LRRTM4: variants seen among roughly 807,000 people sequenced by gnomAD.
LRRTM4 encodes the protein leucine rich repeat transmembrane neuronal 4, also known as leucine-rich repeat transmembrane neuronal protein 4.
A neutral mutation model predicts 47.6 loss-of-function variants in LRRTM4; 25 were observed. That is an observed-to-expected ratio of 0.53 (90% CI 0.38 to 0.73). LRRTM4 has a LOEUF of 0.73. LRRTM4 is among the 30% of genes least tolerant of loss of function. LRRTM4 has a pLI of 0.00. For synonymous variants in LRRTM4, 311 were observed against 269.5 expected, an observed-to-expected ratio of 1.15 and a Z score of -1.51; for missense variants, 638 against 713.4, an observed-to-expected ratio of 0.89 and a Z score of 1.20.
intron 3 of LRRTM4, among the ~76,000 whole-genome samples, chr2:76,908,608 C>G (rs1673936691): frequency 6.6e-6 from 1 of 152,068 alleles, no homozygotes; most frequent in South Asian, 2.1e-4. Flanking sequence ...TGTCTCAGCC[C>G]AAAATCTCCT....
At chr2:76,909,667 A>G (rs1673978486) in intron 3 of LRRTM4, among the ~76,000 whole-genome samples, 1 of 152,068 alleles carries the variant, frequency 6.6e-6, no homozygotes, top group Non-Finnish European at 1.5e-5. Flanking sequence ...AAACAACCCC[A>G]TCAAAAAGTG....
chr2:77,411,045 A>G (rs995890367), intron 3 of LRRTM4, among the ~76,000 whole-genome samples: 1 of 152,216 alleles, frequency 6.6e-6, no homozygotes, highest in Admixed American at 6.5e-5. Flanking sequence ...CCTGAGCATT[A>G]GAAACACAGG....
intron 3 of LRRTM4, among the ~76,000 whole-genome samples, chr2:77,472,490 C>T (rs921646489): frequency 6.6e-6 from 1 of 151,862 alleles, no homozygotes; most frequent in Non-Finnish European, 1.5e-5. Flanking sequence ...AACATAACTA[C>T]CATGAATCAG....
At chr2:77,261,093 T>C (rs182867138) in intron 3 of LRRTM4, among the ~76,000 whole-genome samples, 1 of 151,976 alleles carries the variant, frequency 6.6e-6, no homozygotes, top group Non-Finnish European at 1.5e-5. Context: ...ATAGTTCCTC[T>C]AGAGAAAGGA....
rs201015132 is a variant in LRRTM4 at position 76,869,555 on chromosome 2, A to AT, written c.1552-120640dup. 3.7e-4 allele frequency among the ~76,000 whole-genome samples: 57 copies of AT among 152,182 alleles called. 1 individual carries two copies. The East Asian group carries it at 9.1e-3, about 24-fold the overall frequency. On this transcript the variant is annotated intron_variant, in intron 3 of 3. Coordinates refer to ENST00000409884, the MANE Select transcript of LRRTM4 (RefSeq NM_001134745.3). ...GAAGGTGGGAAAGGGTAGATGATTG[A>AT]TTTTTTTAAAAAAAGTCAAACCTTT... is the stretch of plus-strand genomic sequence containing the variant.
rs1028001426 is a variant in LRRTM4 at position 76,899,709 on chromosome 2, G to A, written c.1552-150793C>T. Among the ~76,000 whole-genome samples the A allele has an allele frequency of 6.6e-5, 10 of 152,172 alleles. 1 individual carries two copies. In the Middle Eastern group the frequency reaches 0.01, roughly 155 times the overall value. ...TAGGAATATTGATAGACTTTATTAC[G>A]TATGCATTTACAACTTCTGAACATT... On this transcript the variant is annotated intron_variant, in intron 3 of 3. Coordinates refer to ENST00000409884, the MANE Select transcript of LRRTM4 (RefSeq NM_001134745.3).
At chr2:76,962,485 A>C (rs998675705) in intron 3 of LRRTM4, among the ~76,000 whole-genome samples, 6 of 150,982 alleles carry the variant, frequency 4.0e-5, no homozygotes, top group African/African-American at 1.5e-4. Context: ...ATTATTTACT[A>C]TTATGCTAAT....
At chr2:77,373,836 T>C (rs1287396216) in intron 3 of LRRTM4, among the ~76,000 whole-genome samples, 1 of 151,764 alleles carries the variant, frequency 6.6e-6, no homozygotes, top group Non-Finnish European at 1.5e-5. Context: ...GCTAGAAAAG[T>C]CTAGGCAAGA....
rs1387147807 is a variant in LRRTM4, at chr2:77,307,666, T to A, written c.1551+210652A>T. On this transcript the variant is annotated intron_variant, in intron 3 of 3. Transcript: ENST00000409884. ...GATATATCTATATATTATAGAAATATAAATATATAGATATATCTATATATT... is the reference window on the plus strand; with the variant it reads ...GATATATCTATATATTATAGAAATAAAAATATATAGATATATCTATATATT... Among the ~76,000 whole-genome samples the A allele has an allele frequency of 1.1e-3, 55 of 52,160 alleles. No individual in the cohort carries two copies. In the African/African-American group the frequency reaches 0.012, roughly 12 times the overall value. 34.2% of individuals were successfully genotyped at this position (52,160 alleles called of 152,430 possible).
chr2:76,982,810 T>C (rs931788299), intron 3 of LRRTM4, among the ~76,000 whole-genome samples: 2 of 151,958 alleles, frequency 1.3e-5, no homozygotes, highest in Non-Finnish European at 2.9e-5. Flanking sequence ...CAATTAAAAA[T>C]AGGACACACT....
At chr2:77,361,100 G>T (rs1672191240) in intron 3 of LRRTM4, among the ~76,000 whole-genome samples, 1 of 151,864 alleles carries the variant, frequency 6.6e-6, no homozygotes, top group South Asian at 2.1e-4. Context: ...AGCTATGCCA[G>T]ATCCTCCTCA....
chr2:77,193,728 G>T (rs1298727641), intron 3 of LRRTM4, among the ~76,000 whole-genome samples: 1 of 152,144 alleles, frequency 6.6e-6, no homozygotes, highest in Non-Finnish European at 1.5e-5. Flanking sequence ...TTGAAGCCAG[G>T]AGGCGGGCAT....
intron 3 of LRRTM4, among the ~76,000 whole-genome samples, chr2:76,970,016 CCACT>C (rs1408300256): frequency 2.0e-5 from 3 of 151,874 alleles, no homozygotes; most frequent in African/African-American, 7.3e-5. Flanking sequence ...TCACATGGCC[CCACT>C]CACTTATTTT....
chr2:76,921,871 G>A lies in LRRTM4; in HGVS notation c.1552-172955C>T, dbSNP rs74926224. On this transcript the variant is annotated intron_variant, in intron 3 of 3. Transcript: ENST00000409884. ...GCCCTGAGTCCTTTTATTTAGAATGGCATAAGAAATTAAGATCTGGGGTTC... is the reference window on the plus strand; with the variant it reads ...GCCCTGAGTCCTTTTATTTAGAATGACATAAGAAATTAAGATCTGGGGTTC... Among the ~76,000 whole-genome samples, 770 of 152,072 alleles carry A rather than the reference G, an allele frequency of 5.1e-3. 13 individuals are homozygous for A. The highest frequency in any genetic ancestry group is 0.017 in the African/African-American group (724 of 41,496).
chr2:76,804,637 A>G (rs1316218975), intron 3 of LRRTM4, among the ~76,000 whole-genome samples: 1 of 147,390 alleles, frequency 6.8e-6, no homozygotes, highest in Non-Finnish European at 1.5e-5. Context: ...TTGTACATAT[A>G]TATACTATAT....
intron 3 of LRRTM4, among the ~76,000 whole-genome samples, chr2:77,286,047 A>G (rs999345481): frequency 2.6e-5 from 4 of 152,130 alleles, no homozygotes; most frequent in African/African-American, 4.8e-5. Flanking sequence ...ACTGCACTGA[A>G]TATGGCCACT....
intron 3 of LRRTM4, among the ~76,000 whole-genome samples, chr2:76,798,036 A>T (rs1573123965): frequency 6.8e-6 from 1 of 147,792 alleles, no homozygotes; most frequent in East Asian, 2.0e-4. Context: ...CATTAGACAG[A>T]TCAATGAGAC....
chr2:76,838,111 GAA>G (rs1671570313), intron 3 of LRRTM4, among the ~76,000 whole-genome samples: 1 of 66,228 alleles, frequency 1.5e-5, no homozygotes, highest in African/African-American at 5.0e-5. Flanking sequence ...TAAAAGAATG[GAA>G]GAAGAAGAAA....
intron 3 of LRRTM4, among the ~76,000 whole-genome samples, chr2:76,768,685 C>A (rs1673556133): frequency 6.6e-6 from 1 of 151,950 alleles, no homozygotes; most frequent in South Asian, 2.1e-4. Flanking sequence ...ACAAATATAT[C>A]CTCAAAAATT....
Sources: gnomAD v4.1 joint callset for allele counts (sites outside exome capture counted in the v4.1 genomes callset) on GRCh38, gnomAD v4.1.1 for gene constraint, MANE v1.5 for transcripts, NCBI Gene and HGNC (gene_info 2026-07-23, HGNC 2026-07-21) for gene names.